VGLL4: variants seen among roughly 807,000 people sequenced by gnomAD.
VGLL4 encodes transcription cofactor vestigial-like protein 4.
In VGLL4, 7 loss-of-function variants were observed where a neutral mutation model predicts 21.0. The ratio of observed to expected loss-of-function variants is 0.33; its 90% CI spans 0.19 to 0.63. VGLL4 has a LOEUF of 0.63. VGLL4 is among the 20% of genes least tolerant of loss of function. The pLI is 0.78. For synonymous variants in VGLL4, 222 were observed against 173.2 expected (o/e 1.28, Z -2.21); for missense variants, 394 against 425.7 (o/e 0.93, Z 0.66).
intron 2 of VGLL4, among the ~76,000 whole-genome samples, chr3:11,585,264 A>G (rs2074334680): frequency 6.6e-6 from 1 of 151,962 alleles, no homozygotes; most frequent in Non-Finnish European, 1.5e-5. Flanking sequence ...GGTGAAACCC[A>G]GTCTCTATTA....
In VGLL4 at chr3:11,649,903, T is replaced by C. The variant is rs1467814713; in HGVS notation, c.65-47881A>G. Among the ~76,000 whole-genome samples, 34 of 33,408 alleles carry C rather than the reference T, an allele frequency of 1.0e-3. No individual in the cohort carries two copies. The South Asian group carries it at 0.02, about 20-fold the overall frequency. 21.9% of individuals were successfully genotyped at this position (33,408 alleles called of 152,430 possible). ...CAGCACACAAGTGCTCTATTTGGTT[T>C]GGTTTGGTTTGGTTTGGTTTGGTTT... On this transcript the variant is annotated intron_variant, in intron 2 of 5. Transcript: ENST00000273038.
chr3:11,639,914 C>T (rs893314793), intron 1 of VGLL4, among the ~76,000 whole-genome samples: 1 of 152,068 alleles, frequency 6.6e-6, no homozygotes, highest in Non-Finnish European at 1.5e-5. Context: ...TCTGGAGAGG[C>T]AGCACGGCAT....
At chr3:11,597,815 G>C (rs1289920625) in intron 2 of VGLL4, among the ~76,000 whole-genome samples, 2 of 152,138 alleles carry the variant, frequency 1.3e-5, no homozygotes, top group African/African-American at 4.8e-5. Flanking sequence ...TTTCTGTGTG[G>C]TGAGCAGCAG....
intron 2 of VGLL4, among the ~76,000 whole-genome samples, chr3:11,685,477 G>C (rs1183849017): frequency 6.6e-6 from 1 of 152,168 alleles, no homozygotes; most frequent in Non-Finnish European, 1.5e-5. Context: ...GATTACAGGT[G>C]TGAGCCACCA....
chr3:11,651,177 T>A (rs1357618202), intron 2 of VGLL4, among the ~76,000 whole-genome samples: 2 of 151,838 alleles, frequency 1.3e-5, no homozygotes, highest in African/African-American at 2.4e-5. Flanking sequence ...AACCCATCTC[T>A]CCTAAATACA....
At chr3:11,631,547 C>T (rs1225025922) in intron 1 of VGLL4, among the ~76,000 whole-genome samples, 1 of 152,104 alleles carries the variant, frequency 6.6e-6, no homozygotes, top group East Asian at 1.9e-4. Flanking sequence ...TACATGACAG[C>T]CATTCATGAA....
chr3:11,572,522 CCCT>C (rs542939694), intron 2 of VGLL4, among the ~76,000 whole-genome samples: 118 of 152,318 alleles, frequency 7.7e-4, no homozygotes, highest in Non-Finnish European at 1.3e-3. Flanking sequence ...CTGCTCCAGG[CCCT>C]CCTCAGTCCC....
intron 1 of VGLL4, among the ~76,000 whole-genome samples, chr3:11,717,147 T>A (rs2076929340): frequency 6.6e-6 from 1 of 151,846 alleles, no homozygotes; most frequent in Non-Finnish European, 1.5e-5. Flanking sequence ...TGCAGTCTAT[T>A]TAGTAACATG....
At chr3:11,704,055 C>T (rs1247690234) in intron 1 of VGLL4, among the ~76,000 whole-genome samples, 2 of 150,558 alleles carry the variant, frequency 1.3e-5, no homozygotes, top group African/African-American at 2.4e-5. Flanking sequence ...ACTAGCCTGG[C>T]GAACATGGTG....
At chr3:11,586,667 ATAT>A (rs1168173187) in intron 2 of VGLL4, among the ~76,000 whole-genome samples, 6 of 152,182 alleles carry the variant, frequency 3.9e-5, no homozygotes, top group Non-Finnish European at 5.9e-5. Context: ...TTATCTGCAA[ATAT>A]TATGCCATTT....
intron 3 of VGLL4, among the ~76,000 whole-genome samples, chr3:11,562,005 T>C (rs376908931): frequency 3.3e-5 from 5 of 151,182 alleles, no homozygotes; most frequent in African/African-American, 1.2e-4. Flanking sequence ...GTTCAAGCGA[T>C]TCTCCTGTCA....
At chr3:11,692,847 T>C (rs1399009182) in intron 2 of VGLL4, among the ~76,000 whole-genome samples, 1 of 152,158 alleles carries the variant, frequency 6.6e-6, no homozygotes, top group Non-Finnish European at 1.5e-5. Flanking sequence ...CCCCACCCAG[T>C]CTACTGCAAA....
intron 2 of VGLL4, among the ~76,000 whole-genome samples, chr3:11,592,898 T>C (rs2074536579): frequency 6.6e-6 from 1 of 152,120 alleles, no homozygotes; most frequent in Admixed American, 6.5e-5. Context: ...GGCTCACGAG[T>C]TGCTGTTACT....
chr3:11,632,483 G>A (rs2075503833), intron 1 of VGLL4, among the ~76,000 whole-genome samples: 1 of 152,112 alleles, frequency 6.6e-6, no homozygotes, highest in East Asian at 1.9e-4. Flanking sequence ...GAGTGAGGCA[G>A]TCTGACTCTG....
intron 2 of VGLL4, among the ~76,000 whole-genome samples, chr3:11,658,987 T>C (rs1429100755): frequency 6.6e-6 from 1 of 152,110 alleles, no homozygotes; most frequent in Non-Finnish European, 1.5e-5. Context: ...CAGGCACAAC[T>C]ATCCTGCCCA....
rs1484898043 is a variant in VGLL4, at chr3:11,643,875, C to T, written c.-357G>A. ...AGGACAAAGCGGCGCCGGCCCCTCT[C>T]ACAGCCCGCTGCAAGCCGGCAGCGC... On this transcript the variant is annotated 5_prime_UTR_variant, in exon 1 of 5. The change abolishes the stop of an existing upstream ORF in the 5' untranslated region. Coordinates refer to ENST00000430365, the MANE Select transcript of VGLL4 (RefSeq NM_001128219.3). 1.9e-6 allele frequency: 2 copies of T among 1,027,156 alleles called. No homozygotes were observed. The highest frequency in any genetic ancestry group is 2.3e-6 in the Non-Finnish European group (2 of 856,086). 63.6% of individuals were successfully genotyped at this position (1,027,156 alleles called of 1,614,324 possible).
At chr3:11,667,981 GT>G (rs1575512824) in intron 2 of VGLL4, among the ~76,000 whole-genome samples, 2 of 148,560 alleles carry the variant, frequency 1.3e-5, no homozygotes, top group East Asian at 4.0e-4. Context: ...AGCCTCCCAA[GT>G]AGGTGGGATT....
At chr3:11,614,144 C>T (rs1343978810) in intron 1 of VGLL4, among the ~76,000 whole-genome samples, 1 of 152,232 alleles carries the variant, frequency 6.6e-6, no homozygotes, top group Non-Finnish European at 1.5e-5. Context: ...CTTCCATGCA[C>T]GTTTCTCCCT....
At chr3:11,560,145 C>T (rs1187463334) in intron 3 of VGLL4, among the ~76,000 whole-genome samples, 3 of 152,114 alleles carry the variant, frequency 2.0e-5, no homozygotes, top group South Asian at 2.1e-4. Context: ...CACTGGCCAC[C>T]GCCCCACCAC....
Sources: gnomAD v4.1 joint callset for allele counts (sites outside exome capture counted in the v4.1 genomes callset) on GRCh38, gnomAD v4.1.1 for gene constraint, MANE v1.5 for transcripts, NCBI Gene and HGNC (gene_info 2026-07-23, HGNC 2026-07-21) for gene names.